SH3BGRL2: variants seen among roughly 807,000 people sequenced by gnomAD.
SH3BGRL2 encodes the protein SH3 domain binding glutamate rich protein like 2.
A neutral mutation model predicts 14.8 loss-of-function variants in SH3BGRL2; 21 were observed. That is an observed-to-expected ratio of 1.42 (90% confidence interval 1.01 to 2.05). SH3BGRL2 has a LOEUF of 2.05. Among genes scored for constraint, SH3BGRL2 ranks in the 30% most tolerant of loss-of-function variants. The pLI is 0.00. For missense variants in SH3BGRL2, 147 were observed against 130.8 expected, an observed-to-expected ratio of 1.12 and a Z score of -0.61; for synonymous variants, 50 against 47.8, an observed-to-expected ratio of 1.05 and a Z score of -0.19.
At chr6:79,604,382 A>G in the SH3BGRL2 span, among the ~76,000 whole-genome samples, 7 of 152,282 alleles carry the variant, frequency 4.6e-5, no homozygotes, top group East Asian at 1.4e-3. Flanking sequence ...GTCTCGATTT[A>G]GCTTGTTTTT....
At chr6:79,537,642 C>G in the SH3BGRL2 span, among the ~76,000 whole-genome samples, 3 of 152,174 alleles carry the variant, frequency 2.0e-5, no homozygotes, top group African/African-American at 7.2e-5. Flanking sequence ...CAGGCTCCTA[C>G]GGGCTGTGCG....
intron 1 of SH3BGRL2, among the ~76,000 whole-genome samples, chr6:79,644,817 C>T (rs1427202621): frequency 6.6e-6 from 1 of 151,866 alleles, no homozygotes; most frequent in African/African-American, 2.4e-5. Flanking sequence ...TTTAAATGAG[C>T]TATAAAGATT....
At chr6:79,651,644 C>G (rs1340144019) in intron 1 of SH3BGRL2, among the ~76,000 whole-genome samples, 2 of 152,132 alleles carry the variant, frequency 1.3e-5, no homozygotes, top group Admixed American at 1.3e-4. Context: ...CCCTCTGAAG[C>G]TACCTGACTG....
chr6:79,581,415 G>T, the SH3BGRL2 span, among the ~76,000 whole-genome samples: 1 of 152,144 alleles, frequency 6.6e-6, no homozygotes, highest in African/African-American at 2.4e-5. Flanking sequence ...ACCAAATCCA[G>T]CAGCACTTCA....
At chr6:79,693,042 G>A (rs1770257751) in intron 2 of SH3BGRL2, among the ~76,000 whole-genome samples, 1 of 151,946 alleles carries the variant, frequency 6.6e-6, no homozygotes, top group Non-Finnish European at 1.5e-5. Flanking sequence ...TTGAGCAGTG[G>A]TTTGTAGTTC....
chr6:79,696,410 ATTTGTTCAAAGTAC>A, intron 2 of SH3BGRL2, 61 bp from the exon 3 acceptor site: 1 of 1,120,374 alleles, frequency 8.9e-7, no homozygotes, highest in Non-Finnish European at 1.3e-6. Context: ...TCCATAAAGA[ATTTGTTCAAAGTAC>A]CAAATATAAA....
chr6:79,550,885 A>G, the SH3BGRL2 span, among the ~76,000 whole-genome samples: 4 of 152,132 alleles, frequency 2.6e-5, no homozygotes, highest in South Asian at 4.2e-4. Context: ...TAATCATGGT[A>G]TCTGTCTCTG....
chr6:79,663,725 C>A (rs2127730259), intron 1 of SH3BGRL2, among the ~76,000 whole-genome samples: 1 of 152,354 alleles, frequency 6.6e-6, no homozygotes, highest in Non-Finnish European at 1.5e-5. Flanking sequence ...ACGTTTAAGT[C>A]TGCAGAAGTT....
chr6:79,571,529 T>C, the SH3BGRL2 span, among the ~76,000 whole-genome samples: 1 of 152,162 alleles, frequency 6.6e-6, no homozygotes, highest in African/African-American at 2.4e-5. Context: ...ATTGTATATA[T>C]TCAAGGTGTA....
At chr6:79,678,733 A>G (rs1406118047) in intron 2 of SH3BGRL2, among the ~76,000 whole-genome samples, 1 of 152,196 alleles carries the variant, frequency 6.6e-6, no homozygotes, top group African/African-American at 2.4e-5. Context: ...GATAGTGAGC[A>G]TAGTACCCAA....
intron 1 of SH3BGRL2, among the ~76,000 whole-genome samples, chr6:79,671,154 C>A (rs186191987): frequency 1.3e-5 from 2 of 152,192 alleles, no homozygotes; most frequent in Admixed American, 6.5e-5. Context: ...TTGAAGGTAC[C>A]TTCCACCCAT....
chr6:79,543,418 T>C, the SH3BGRL2 span, among the ~76,000 whole-genome samples: 2 of 152,328 alleles, frequency 1.3e-5, no homozygotes, highest in South Asian at 4.1e-4. Context: ...CAGAGGTATA[T>C]AATAGAAAGT....
At chr6:79,633,528 G>T (rs780755632) in intron 1 of SH3BGRL2, among the ~76,000 whole-genome samples, 17 of 152,084 alleles carry the variant, frequency 1.1e-4, no homozygotes, top group Non-Finnish European at 2.2e-4. Flanking sequence ...TCCCCTCAAT[G>T]CCCTGCCTCG....
intron 1 of SH3BGRL2, among the ~76,000 whole-genome samples, chr6:79,637,232 T>A (rs1768943018): frequency 6.6e-6 from 1 of 152,192 alleles, no homozygotes; most frequent in Non-Finnish European, 1.5e-5. Flanking sequence ...TTTGATGTGC[T>A]TTTAATCCAT....
At chr6:79,555,962 GAA>G in the SH3BGRL2 span, among the ~76,000 whole-genome samples, 1 of 152,028 alleles carries the variant, frequency 6.6e-6, no homozygotes, top group Non-Finnish European at 1.5e-5. Flanking sequence ...AAAGAAAACA[GAA>G]AGAATTATTC....
chr6:79,590,268 C>T, the SH3BGRL2 span, among the ~76,000 whole-genome samples: 7 of 151,668 alleles, frequency 4.6e-5, no homozygotes, highest in Non-Finnish European at 8.8e-5. Flanking sequence ...CCATTCAACT[C>T]AGCAATCCCA....
chr6:79,600,237 T>C, the SH3BGRL2 span, among the ~76,000 whole-genome samples: 1 of 152,216 alleles, frequency 6.6e-6, no homozygotes, highest in Non-Finnish European at 1.5e-5. Flanking sequence ...ATTTTCTTAC[T>C]TTCTCTAATG....
At chr6:79,635,160 T>C (rs1562143539) in intron 1 of SH3BGRL2, among the ~76,000 whole-genome samples, 1 of 152,204 alleles carries the variant, frequency 6.6e-6, no homozygotes, top group Non-Finnish European at 1.5e-5. Context: ...AGAAGAATCT[T>C]TACCTTCCTA....
At chr6:79,660,393 T>A (rs6899387) in intron 1 of SH3BGRL2, among the ~76,000 whole-genome samples, 1 of 151,978 alleles carries the variant, frequency 6.6e-6, no homozygotes, top group Non-Finnish European at 1.5e-5. Context: ...TCTATTGAGA[T>A]AATCATGTGG....
Sources: gnomAD v4.1 joint callset for allele counts (sites outside exome capture counted in the v4.1 genomes callset) on GRCh38, gnomAD v4.1.1 for gene constraint, MANE v1.5 for transcripts, NCBI Gene and HGNC (gene_info 2026-07-23, HGNC 2026-07-21) for gene names.